The following SGCZ variants were observed in gnomAD, a reference collection of about 807,000 sequenced individuals.
The protein encoded by SGCZ is zeta-sarcoglycan.
Under a neutral mutation model 41.3 loss-of-function variants are expected in SGCZ, and 40 were observed. That is an observed-to-expected ratio of 0.97 (90% CI 0.75 to 1.26). SGCZ has a LOEUF of 1.26. SGCZ is among the 50% of genes most tolerant of loss of function. The pLI is 0.00. For synonymous variants in SGCZ, 206 were observed against 137.5 expected (o/e 1.50, Z -3.49); for missense variants, 552 against 369.8 (o/e 1.49, Z -4.04).
intron 3 of SGCZ, among the ~76,000 whole-genome samples, chr8:14,257,898 C>G (rs1046677350): frequency 2.0e-5 from 3 of 152,092 alleles, no homozygotes; most frequent in Non-Finnish European, 2.9e-5. Context: ...ATATTTGAAA[C>G]TGGAAAGATA....
At chr8:15,139,640 C>T (rs1808247620) in intron 1 of SGCZ, among the ~76,000 whole-genome samples, 1 of 151,824 alleles carries the variant, frequency 6.6e-6, no homozygotes, top group African/African-American at 2.4e-5. Flanking sequence ...CAGCTAAAGT[C>T]TACTTATTTA....
intron 1 of SGCZ, among the ~76,000 whole-genome samples, chr8:15,185,484 G>C (rs956455512): frequency 6.6e-6 from 1 of 152,018 alleles, no homozygotes; most frequent in Non-Finnish European, 1.5e-5. Flanking sequence ...GTTCCTACTT[G>C]TTTACTCTTT....
chr8:14,837,700 A>C (rs1585306278), intron 1 of SGCZ, among the ~76,000 whole-genome samples: 1 of 152,168 alleles, frequency 6.6e-6, no homozygotes, highest in Admixed American at 6.5e-5. Flanking sequence ...ACTTATTTAT[A>C]TATTTTTTAA....
At chr8:14,216,913 C>T (rs1806012596) in intron 4 of SGCZ, among the ~76,000 whole-genome samples, 1 of 152,072 alleles carries the variant, frequency 6.6e-6, no homozygotes, top group Non-Finnish European at 1.5e-5. Flanking sequence ...AGATGTAGCA[C>T]AAGAGAAACT....
chr8:14,536,798 G>A (rs963092169), intron 2 of SGCZ, among the ~76,000 whole-genome samples: 7 of 151,746 alleles, frequency 4.6e-5, no homozygotes, highest in Non-Finnish European at 7.4e-5. Flanking sequence ...ATTTCATCAT[G>A]AGTTAATGTG....
rs1468567169 is a variant in SGCZ, at chr8:14,934,159, G to A, written c.39+303426C>T. ...CAATGTATTTACAAATAAAACTTAT[G>A]GACAGTGTTCTAAAGAATATGTATT... On this transcript the variant is annotated intron_variant, in intron 1 of 7. Coordinates refer to ENST00000382080, the MANE Select transcript of SGCZ (RefSeq NM_139167.4). Among the ~76,000 whole-genome samples the A allele has an allele frequency of 2.0e-5, 3 of 151,786 alleles. No individual in the cohort carries two copies. The East Asian group carries it at 5.8e-4, about 29-fold the overall frequency.
At chr8:14,450,783 G>C (rs779469236) in intron 2 of SGCZ, among the ~76,000 whole-genome samples, 1 of 152,096 alleles carries the variant, frequency 6.6e-6, no homozygotes, top group Non-Finnish European at 1.5e-5. Context: ...AAATCATTTG[G>C]AGGAGAGCTC....
At chr8:14,620,165 C>A (rs1353715231) in intron 1 of SGCZ, among the ~76,000 whole-genome samples, 1 of 151,996 alleles carries the variant, frequency 6.6e-6, no homozygotes, top group African/African-American at 2.4e-5. Flanking sequence ...CTTTGACAAA[C>A]CTGACAAAAA....
intron 4 of SGCZ, among the ~76,000 whole-genome samples, chr8:14,176,677 T>A (rs532857921): frequency 2.4e-3 from 373 of 152,330 alleles, no homozygotes; most frequent in African/African-American, 8.4e-3. Flanking sequence ...ATATGTCCAT[T>A]GCTTGGATCA....
intron 1 of SGCZ, among the ~76,000 whole-genome samples, chr8:14,967,649 C>T (rs1004611016): frequency 2.6e-5 from 4 of 152,128 alleles, no homozygotes; most frequent in African/African-American, 9.7e-5. Flanking sequence ...CATTTCATAT[C>T]TCAGTGACAC....
intron 2 of SGCZ, among the ~76,000 whole-genome samples, chr8:14,501,321 C>T (rs368239582): frequency 1.2e-4 from 18 of 152,130 alleles, no homozygotes; most frequent in African/African-American, 4.3e-4. Context: ...TTCATTCCAT[C>T]TGCAGCATCA....
At chr8:14,724,267 A>C (rs1011609194) in intron 1 of SGCZ, among the ~76,000 whole-genome samples, 2 of 152,038 alleles carry the variant, frequency 1.3e-5, no homozygotes, top group Admixed American at 1.3e-4. Context: ...GTGGAAATAC[A>C]TGTATATGTA....
chr8:14,793,229 C>T (rs1181090026), intron 1 of SGCZ, among the ~76,000 whole-genome samples: 1 of 152,154 alleles, frequency 6.6e-6, no homozygotes, highest in African/African-American at 2.4e-5. Flanking sequence ...CTGTCTACCG[C>T]TTTGCTCAAG....
intron 1 of SGCZ, among the ~76,000 whole-genome samples, chr8:15,043,657 A>T (rs1368622004): frequency 6.6e-6 from 1 of 152,094 alleles, no homozygotes; most frequent in East Asian, 1.9e-4. Context: ...ATATTAAAAA[A>T]TTGTTAAAAA....
chr8:14,742,806 A>C (rs1270055128), intron 1 of SGCZ, among the ~76,000 whole-genome samples: 4 of 152,090 alleles, frequency 2.6e-5, no homozygotes, highest in Non-Finnish European at 5.9e-5. Context: ...TCAGCTATGA[A>C]TGTATGTTAC....
At chr8:14,892,901 C>T (rs1180788501) in intron 1 of SGCZ, among the ~76,000 whole-genome samples, 3 of 152,104 alleles carry the variant, frequency 2.0e-5, no homozygotes, top group Admixed American at 2.0e-4. Flanking sequence ...TGATTGGGCA[C>T]TGCTTAGACC....
chr8:14,935,718 T>A (rs553207396), intron 1 of SGCZ, among the ~76,000 whole-genome samples: 1 of 151,866 alleles, frequency 6.6e-6, no homozygotes, highest in Non-Finnish European at 1.5e-5. Flanking sequence ...TAAACAAGAA[T>A]AAAGTAACTT....
At chr8:14,230,238 C>T (rs922256742) in intron 4 of SGCZ, among the ~76,000 whole-genome samples, 1 of 152,028 alleles carries the variant, frequency 6.6e-6, no homozygotes, top group Non-Finnish European at 1.5e-5. Flanking sequence ...TGGAGACAAT[C>T]TAGCAAAACA....
At chr8:14,613,188 T>A (rs565960958) in intron 1 of SGCZ, among the ~76,000 whole-genome samples, 1 of 152,232 alleles carries the variant, frequency 6.6e-6, no homozygotes, top group East Asian at 1.9e-4. Flanking sequence ...AGGACCTAAA[T>A]GAGAGGTCAC....
Sources: allele counts gnomAD v4.1 joint callset (sites outside exome capture counted in the v4.1 genomes callset), GRCh38; gene constraint gnomAD v4.1.1; transcripts MANE v1.5; gene names NCBI Gene and HGNC (gene_info 2026-07-23, HGNC 2026-07-21).